The following LRFN2 variants were observed in gnomAD, a reference collection of about 807,000 sequenced individuals.
LRFN2 encodes the protein leucine-rich repeat and fibronectin type-III domain-containing protein 2.
Under a neutral mutation model 37.3 loss-of-function variants are expected in LRFN2, and 18 were observed. The observed-to-expected ratio is 0.48, with a 90% confidence interval of 0.33 to 0.72. The LOEUF is 0.72. Ranked by LOEUF, LRFN2 falls within the 30% of genes least tolerant of loss-of-function variation. The pLI is 0.02. For missense variants in LRFN2, 1,006 were observed against 1,060.7 expected (o/e 0.95, Z 0.72); for synonymous variants, 556 against 466.6 (o/e 1.19, Z -2.47).
intron 1 of LRFN2, among the ~76,000 whole-genome samples, chr6:40,448,967 G>A (rs771155679): frequency 2.8e-4 from 42 of 152,160 alleles, no homozygotes; most frequent in Non-Finnish European, 5.0e-4. Context: ...GGGCTCAGAA[G>A]TATAACCAAA....
intron 1 of LRFN2, among the ~76,000 whole-genome samples, chr6:40,490,287 A>G (rs1765058349): frequency 6.6e-6 from 1 of 152,036 alleles, no homozygotes; most frequent in Non-Finnish European, 1.5e-5. Context: ...CTTGGAACAG[A>G]CTCTCTGGTT....
chr6:40,544,881 A>G (rs1766627476), intron 1 of LRFN2, among the ~76,000 whole-genome samples: 1 of 152,220 alleles, frequency 6.6e-6, no homozygotes, highest in African/African-American at 2.4e-5. Context: ...CATCTTTATA[A>G]TGAGAAGGAG....
chr6:40,398,303 A>G (rs1762657071), intron 2 of LRFN2, among the ~76,000 whole-genome samples: 1 of 151,920 alleles, frequency 6.6e-6, no homozygotes, highest in South Asian at 2.1e-4. Flanking sequence ...CCATTGAGGC[A>G]CATTGGTTTA....
intron 1 of LRFN2, among the ~76,000 whole-genome samples, chr6:40,569,372 C>T (rs760905373): frequency 1.3e-5 from 2 of 152,112 alleles, no homozygotes; most frequent in Non-Finnish European, 2.9e-5. Flanking sequence ...AGGAAGTGGG[C>T]CTGGGAGGGA....
At chr6:40,422,547 T>C (rs886093117) in intron 2 of LRFN2, among the ~76,000 whole-genome samples, 1 of 151,826 alleles carries the variant, frequency 6.6e-6, no homozygotes, top group Non-Finnish European at 1.5e-5. Flanking sequence ...AATGCCTGAG[T>C]TCCATACCTT....
At chr6:40,398,129 G>A (rs986324207) in intron 2 of LRFN2, among the ~76,000 whole-genome samples, 1 of 151,850 alleles carries the variant, frequency 6.6e-6, no homozygotes, top group Non-Finnish European at 1.5e-5. Context: ...TTGACACTTT[G>A]GCTGACTATG....
intron 1 of LRFN2, among the ~76,000 whole-genome samples, chr6:40,446,295 T>C (rs892266738): frequency 6.6e-6 from 1 of 152,210 alleles, no homozygotes; most frequent in African/African-American, 2.4e-5. Flanking sequence ...AGAGATTTTT[T>C]AATTTTTAAT....
intron 1 of LRFN2, among the ~76,000 whole-genome samples, chr6:40,455,090 TA>T (rs1404133409): frequency 8.5e-5 from 13 of 152,262 alleles, no homozygotes; most frequent in Non-Finnish European, 1.6e-4. Flanking sequence ...GCTTTTATAA[TA>T]AGAAGAAACT....
intron 1 of LRFN2, 104 bp from the exon 2 acceptor site, chr6:40,433,235 T>C: frequency 3.2e-6 from 3 of 940,732 alleles, no homozygotes; most frequent in Non-Finnish European, 4.6e-6. Flanking sequence ...GGGAGTGGCA[T>C]AGAATGGCAA....
In LRFN2 at chr6:40,429,639, T is replaced by C. The variant is rs1178253106; in HGVS notation, c.1400+2075A>G. 2.6e-5 allele frequency among the ~76,000 whole-genome samples: 4 copies of C among 152,314 alleles called. No homozygotes were observed. The East Asian group carries it at 7.7e-4, about 29-fold the overall frequency. Reference sequence around the variant, plus strand: ...TGAAAGGGTAAATATTTATATGTAATGTATAAAGATTATAATTTACCCATA... The same window carrying C: ...TGAAAGGGTAAATATTTATATGTAACGTATAAAGATTATAATTTACCCATA... On this transcript the variant is annotated intron_variant, in intron 2 of 2. Transcript: ENST00000338305.
chr6:40,580,452 C>T (rs998141028), intron 1 of LRFN2, among the ~76,000 whole-genome samples: 2 of 152,198 alleles, frequency 1.3e-5, no homozygotes, highest in Non-Finnish European at 2.9e-5. Context: ...ATATACCCTT[C>T]CTGTCTTCCA....
intron 2 of LRFN2, among the ~76,000 whole-genome samples, chr6:40,407,330 A>G (rs529458877): frequency 8.4e-4 from 128 of 151,550 alleles, no homozygotes; most frequent in African/African-American, 3.0e-3. Flanking sequence ...CTTTGGACTC[A>G]GACAGAAATC....
chr6:40,392,749 A>C lies in LRFN2; in HGVS notation c.1564T>G (p.Cys522Gly). 2 of 1,614,130 alleles carry C rather than the reference A, an allele frequency of 1.2e-6. No homozygotes were observed. The highest frequency in any genetic ancestry group is 2.2e-5 in the South Asian group (2 of 91,070). ...QFFTKADYPQ[C>G]QSMHSQILGG... ...AGAATCTGGCTGTGCATGGACTGGC[A>C]CTGCGGGTAGTCAGCCTTGGTGAAG... The change falls in exon 3 of 3, where the codon TGC (cysteine) becomes GGC (glycine). Residue 522 changes from cysteine (C) to glycine (G), a missense_variant. Around this residue, in one of 4 missense-constraint regions of LRFN2, gnomAD observed 120 missense variants for 178.4 expected, o/e 0.67. Coordinates refer to ENST00000338305, the MANE Select transcript of LRFN2 (RefSeq NM_020737.3). The surrounding 1 kb of genome is among the most constrained non-coding windows in gnomAD (Gnocchi z 4.7).
At chr6:40,456,398 G>T (rs942868071) in intron 1 of LRFN2, among the ~76,000 whole-genome samples, 1 of 152,244 alleles carries the variant, frequency 6.6e-6, no homozygotes, top group African/African-American at 2.4e-5. Context: ...CTAGGAAAGA[G>T]AGACTGAGAG....
chr6:40,453,580 C>T (rs1160357956), intron 1 of LRFN2, among the ~76,000 whole-genome samples: 4 of 151,736 alleles, frequency 2.6e-5, no homozygotes, highest in Non-Finnish European at 4.4e-5. Context: ...ACTTTGCAAA[C>T]ACACATACCT....
chr6:40,512,155 A>T (rs1276581058), intron 1 of LRFN2, among the ~76,000 whole-genome samples: 1 of 152,178 alleles, frequency 6.6e-6, no homozygotes, highest in Non-Finnish European at 1.5e-5. Flanking sequence ...AGGAGAACTG[A>T]CGTGTCCCGC....
At chr6:40,411,764 A>G (rs1444683290) in intron 2 of LRFN2, among the ~76,000 whole-genome samples, 1 of 151,270 alleles carries the variant, frequency 6.6e-6, no homozygotes, top group Non-Finnish European at 1.5e-5. Flanking sequence ...ACGCTAGCTA[A>G]TATTACAACT....
intron 2 of LRFN2, among the ~76,000 whole-genome samples, chr6:40,423,478 C>T (rs971901932): frequency 1.3e-5 from 2 of 152,148 alleles, no homozygotes; most frequent in East Asian, 3.9e-4. Context: ...TCACCACAAT[C>T]CTATGAAATA....
chr6:40,421,693 T>C (rs780879692), intron 2 of LRFN2, among the ~76,000 whole-genome samples: 3 of 152,156 alleles, frequency 2.0e-5, no homozygotes, highest in Non-Finnish European at 2.9e-5. Context: ...ATGAGGCACA[T>C]GTGGCTCCTC....
Sources: gnomAD v4.1 joint callset for allele counts (sites outside exome capture counted in the v4.1 genomes callset) on GRCh38, gnomAD v4.1.1 for gene constraint, gnomAD v4.1.1 regional missense constraint, Gnocchi (gnomAD v3.1) non-coding constraint, MANE v1.5 for transcripts, NCBI Gene and HGNC (gene_info 2026-07-23, HGNC 2026-07-21) for gene names.